Variants in ACAD9 observed in about 807,000 individuals in gnomAD.
ACAD9 encodes acyl-CoA dehydrogenase family member 9, also known as complex I assembly factor ACAD9, mitochondrial.
ACAD9 carries 53 observed loss-of-function variants against 70.2 expected under a neutral mutation model. The observed-to-expected ratio is 0.75, with a 90% CI of 0.61 to 0.95. ACAD9 has a LOEUF of 0.95. Ranked by LOEUF, ACAD9 falls within the 40% of genes least tolerant of loss-of-function variation. ACAD9 has a pLI of 0.00. For missense variants in ACAD9, 777 were observed against 802.8 expected (o/e 0.97, Z 0.39); for synonymous variants, 313 against 312.1 (o/e 1.00, Z -0.03).
chr3:128,897,801 C>T, intron 6 of ACAD9, 91 bp downstream of exon 6: 1 of 1,186,284 alleles, frequency 8.4e-7, no homozygotes, highest in South Asian at 1.3e-5. Context: ...GGGATTGTAC[C>T]TGCTGCTGTA....
rs146064638 is a variant in ACAD9 at position 128,890,988 on chromosome 3, C to T, written c.245-2567C>T. Among the ~76,000 whole-genome samples the T allele has an allele frequency of 9.2e-5, 14 of 151,856 alleles. No individual in the cohort carries two copies. In the East Asian group the frequency reaches 1.2e-3, roughly 13 times the overall value. Reference sequence around the variant, plus strand: ...TCCTGAGTAGCTGGGACTATAGGTGCGCATCACTATGCCCGGCTAATTTTT... The same window carrying T: ...TCCTGAGTAGCTGGGACTATAGGTGTGCATCACTATGCCCGGCTAATTTTT... On this transcript the variant is annotated intron_variant, in intron 2 of 17. Coordinates refer to ENST00000308982, the MANE Select transcript of ACAD9 (RefSeq NM_014049.5).
intron 2 of ACAD9, 101 bp from the exon 3 acceptor site, chr3:128,893,454 C>T (rs1460234489): frequency 2.1e-6 from 2 of 970,390 alleles, no homozygotes; most frequent in East Asian, 2.6e-5. Flanking sequence ...AAAGTTTCTA[C>T]TCTGGGATTA....
At chr3:128,904,646 A>G (rs993673297) in intron 11 of ACAD9, 141 bp downstream of exon 11, 6 of 1,401,262 alleles carry the variant, frequency 4.3e-6, no homozygotes, top group Non-Finnish European at 5.8e-6. Flanking sequence ...TGCCCTGTGT[A>G]GCACTCCAGG....
At chr3:128,908,429 G>C (rs534069266) in intron 13 of ACAD9, 165 bp downstream of exon 13, 349 of 777,988 alleles carry the variant, frequency 4.5e-4, no homozygotes, top group Non-Finnish European at 6.7e-4. Context: ...GGGGCTTGCT[G>C]CCCAGGGAAG....
rs142203806 is a variant in ACAD9, at chr3:128,893,657, G to A, written c.346+1G>A. 7 of 1,612,986 alleles carry A rather than the reference G, an allele frequency of 4.3e-6. No homozygotes were observed. The African/African-American group carries it at 9.3e-5, about 22-fold the overall frequency. ...GGGCTGCAAGTCCCAGAAGAATATG[G>A]TAAGTCAAGCAAACAAGCACCCAGC... is the stretch of plus-strand genomic sequence containing the variant. On this transcript the variant is annotated splice_donor_variant, in intron 3 of 17. Transcript: ENST00000308982. LOFTEE classifies it high-confidence loss of function.
intron 1 of ACAD9, among the ~76,000 whole-genome samples, chr3:128,883,351 TTTTTTC>T (rs1935148140): frequency 6.6e-6 from 1 of 151,922 alleles, no homozygotes; most frequent in African/African-American, 2.4e-5. Context: ...CTAAGCTTGT[TTTTTTC>T]TTTTTCTTTT....
chr3:128,879,679 A>G lies in ACAD9; in HGVS notation c.-13A>G. 6.2e-7 allele frequency: 1 copy of G among 1,612,086 alleles called. No individual in the cohort carries two copies. The highest frequency in any genetic ancestry group is 8.5e-7 in the Non-Finnish European group (1 of 1,179,874). On this transcript the variant is annotated 5_prime_UTR_variant, in exon 1 of 18. Transcript: ENST00000308982. ...GGGGAGACTGAGGCTGAGGCTGGGG[A>G]ACATCGGGCAGCATGAGCGGCTGCG...
intron 3 of ACAD9, among the ~76,000 whole-genome samples, chr3:128,894,314 G>C (rs1022751280): frequency 6.6e-6 from 1 of 152,144 alleles, no homozygotes; most frequent in African/African-American, 2.4e-5. Flanking sequence ...CTCTGTCCTG[G>C]AGTCCTCTGG....
At chr3:128,909,254 T>C in intron 14 of ACAD9, 90 bp from the exon 15 acceptor site, 1 of 1,599,194 alleles carries the variant, frequency 6.3e-7, no homozygotes, top group South Asian at 1.1e-5. Flanking sequence ...TTCCCCCAGA[T>C]GGGGCATCTC....
At chr3:128,884,381 A>G (rs1421472755) in intron 1 of ACAD9, among the ~76,000 whole-genome samples, 2 of 152,184 alleles carry the variant, frequency 1.3e-5, no homozygotes, top group Non-Finnish European at 2.9e-5. Context: ...TCATGGGACT[A>G]TTATCATCCC....
intron 4 of ACAD9, among the ~76,000 whole-genome samples, chr3:128,896,063 GCAT>G (rs1157623924): frequency 4.6e-5 from 7 of 152,216 alleles, no homozygotes; most frequent in African/African-American, 1.7e-4. Context: ...TCTTCACATT[GCAT>G]CATCCAGACC....
At chr3:128,909,296 G>A (rs1244660466) in intron 14 of ACAD9, 48 bp from the exon 15 acceptor site, 1 of 1,606,162 alleles carries the variant, frequency 6.2e-7, no homozygotes, top group Non-Finnish European at 8.5e-7. Context: ...GACAGGACAG[G>A]GCACTGTAGG....
chr3:128,909,175 C>T, intron 14 of ACAD9, 76 bp downstream of exon 14: 1 of 1,605,348 alleles, frequency 6.2e-7, no homozygotes, highest in Non-Finnish European at 8.5e-7. Context: ...AAAGATCTCA[C>T]TGTGGGGGGT....
chr3:128,902,540 G>A lies in ACAD9; in HGVS notation c.883-13G>A, dbSNP rs376861201. On this transcript the variant is annotated splice_polypyrimidine_tract_variant and intron_variant, in intron 8 of 17. Transcript: ENST00000308982. This position sits in a 1 kb window ranked among gnomAD's most constrained non-coding sequence, Gnocchi z 4.0. ...CCTTCAGGGCCCCTGGGCTCTCCCT[G>A]TTCTCCCTGCAGGTGGCCATGAACA... 90 of 1,614,102 alleles carry A rather than the reference G, an allele frequency of 5.6e-5. No homozygotes were observed. Among genetic ancestry groups the A allele is most frequent in the Non-Finnish European group, 6.4e-5 (75 of 1,179,964 alleles).
chr3:128,888,225 C>T (rs1390660922), intron 2 of ACAD9, among the ~76,000 whole-genome samples: 2 of 152,190 alleles, frequency 1.3e-5, no homozygotes. Flanking sequence ...GTTAAATACA[C>T]TACACTGCGC....
chr3:128,907,128 CAGGG>C (rs1165509562), intron 12 of ACAD9, among the ~76,000 whole-genome samples: 1 of 152,086 alleles, frequency 6.6e-6, no homozygotes, highest in Non-Finnish European at 1.5e-5. Context: ...AGGCCTGAGA[CAGGG>C]AGAGGGTTTG....
intron 13 of ACAD9, chr3:128,908,761 C>T (rs1935993014): frequency 3.0e-6 from 2 of 671,182 alleles, no homozygotes; most frequent in East Asian, 2.8e-5. Flanking sequence ...GTGACTCCAC[C>T]CCTCATGGGG....
chr3:128,882,814 C>T (rs551319926), intron 1 of ACAD9, among the ~76,000 whole-genome samples: 39 of 152,326 alleles, frequency 2.6e-4, no homozygotes, highest in Middle Eastern at 6.8e-3. Context: ...ACTCTCCTCC[C>T]CTAAGGCATT....
rs1935762956 is a variant in ACAD9, at chr3:128,902,250, G to A, written c.883-303G>A. Among the ~76,000 whole-genome samples the A allele has an allele frequency of 2.0e-5, 3 of 152,256 alleles. No homozygotes were observed. The highest frequency in any genetic ancestry group is 2.0e-4 in the Admixed American group (3 of 15,290). On this transcript the variant is annotated intron_variant, in intron 8 of 17. Coordinates refer to ENST00000308982, the MANE Select transcript of ACAD9 (RefSeq NM_014049.5). This position sits in a 1 kb window ranked among gnomAD's most constrained non-coding sequence, Gnocchi z 4.0. ...AAAGTAGAATTTCTGTTTGGCCCAAGTTGGTCTTGAACTCCTGGGCTCAAG... is the reference window on the plus strand; with the variant it reads ...AAAGTAGAATTTCTGTTTGGCCCAAATTGGTCTTGAACTCCTGGGCTCAAG...
Sources: gnomAD v4.1 joint callset for allele counts (sites outside exome capture counted in the v4.1 genomes callset) on GRCh38, gnomAD v4.1.1 for gene constraint, Gnocchi (gnomAD v3.1) non-coding constraint, MANE v1.5 for transcripts, NCBI Gene and HGNC (gene_info 2026-07-23, HGNC 2026-07-21) for gene names.